PRKN: variants seen among roughly 807,000 people sequenced by gnomAD.
The protein encoded by PRKN is E3 ubiquitin-protein ligase parkin.
A neutral mutation model predicts 59.5 loss-of-function variants in PRKN; 56 were observed. The ratio of observed to expected loss-of-function variants is 0.94; its 90% CI spans 0.76 to 1.18. PRKN has a LOEUF of 1.18. Ranked by LOEUF, PRKN falls within the 50% of genes most tolerant of loss-of-function variation. The pLI, the probability that PRKN is intolerant of heterozygous loss-of-function variation, is 0.00. For missense variants in PRKN, 657 were observed against 596.4 expected (o/e 1.10, Z -1.06); for synonymous variants, 250 against 222.1 (o/e 1.13, Z -1.12).
intron 5 of PRKN, among the ~76,000 whole-genome samples, chr6:162,001,534 T>C (rs1253877054): frequency 6.6e-6 from 1 of 151,648 alleles, no homozygotes; most frequent in African/African-American, 2.4e-5. Context: ...ACTAACTAGT[T>C]TGGGGGATTT....
At position 161,428,494 on chromosome 6, in the gene PRKN, C is replaced by T. The variant is rs987193445; in HGVS notation, c.1084-41617G>A. Among the ~76,000 whole-genome samples the T allele has an allele frequency of 1.3e-5, 2 of 152,166 alleles. No individual in the cohort carries two copies. Among genetic ancestry groups the T allele is most frequent in the Non-Finnish European group, 2.9e-5 (2 of 68,034 alleles). Reference sequence around the variant, plus strand: ...CCATCTTCGAACCTGGCTGGCATCGCAGATGCCCGTGCCCAGGGCAGCAGC... The same window carrying T: ...CCATCTTCGAACCTGGCTGGCATCGTAGATGCCCGTGCCCAGGGCAGCAGC... On this transcript the variant is annotated intron_variant, in intron 9 of 11. Coordinates refer to ENST00000366898, the MANE Select transcript of PRKN (RefSeq NM_004562.3). This position sits in a 1 kb window ranked among gnomAD's most constrained non-coding sequence, Gnocchi z 4.0.
intron 7 of PRKN, among the ~76,000 whole-genome samples, chr6:161,610,273 G>A (rs565372245): frequency 1.2e-3 from 181 of 152,078 alleles, no homozygotes; most frequent in South Asian, 3.1e-3. Context: ...GGGCAAAGCC[G>A]GGAGCTGGGA....
At chr6:161,988,724 T>A (rs767193077) in intron 5 of PRKN, among the ~76,000 whole-genome samples, 2 of 152,076 alleles carry the variant, frequency 1.3e-5, no homozygotes, top group Non-Finnish European at 2.9e-5. Flanking sequence ...CATCAATATA[T>A]AAATCATAAA....
intron 4 of PRKN, among the ~76,000 whole-genome samples, chr6:162,070,806 G>A (rs1046786134): frequency 1.3e-5 from 2 of 152,156 alleles, no homozygotes; most frequent in African/African-American, 4.8e-5. Context: ...GACAGGAGGT[G>A]GAGCTCGGGC....
At chr6:162,034,186 TAGAGAGAGAG>T (rs71643580) in intron 5 of PRKN, among the ~76,000 whole-genome samples, 12 of 133,282 alleles carry the variant, frequency 9.0e-5, no homozygotes, top group African/African-American at 2.1e-4. Flanking sequence ...TATATATATA[TAGAGAGAGAG>T]AGAGAGAGAG....
chr6:162,365,875 G>C (rs1393336110), intron 2 of PRKN, among the ~76,000 whole-genome samples: 2 of 151,896 alleles, frequency 1.3e-5, no homozygotes, highest in Non-Finnish European at 2.9e-5. Flanking sequence ...TCCTTTATTA[G>C]AACAATGTCT....
At chr6:161,490,890 T>C (rs955592652) in intron 9 of PRKN, among the ~76,000 whole-genome samples, 3 of 151,914 alleles carry the variant, frequency 2.0e-5, no homozygotes, top group Non-Finnish European at 2.9e-5. Context: ...GTGTGGTATC[T>C]CTCCTCCCTC....
At chr6:161,455,987 A>C (rs1414062910) in intron 9 of PRKN, among the ~76,000 whole-genome samples, 1 of 152,212 alleles carries the variant, frequency 6.6e-6, no homozygotes, top group Non-Finnish European at 1.5e-5. Flanking sequence ...GTGTGTTTAT[A>C]GTTTCTTCCA....
chr6:161,533,075 A>G lies in PRKN; in HGVS notation c.1083+15779T>C, dbSNP rs12189751. 0.18 allele frequency among the ~76,000 whole-genome samples: 26,713 copies of G among 152,214 alleles called. 2,595 individuals are homozygous for G. The highest frequency in any genetic ancestry group is 0.29 in the Middle Eastern group (86 of 292). ...AAAGATGGGTGAGTATAAATATTCT[A>G]TAGTGTACCATATTAGCTATTAAAC... is the stretch of plus-strand genomic sequence containing the variant. On this transcript the variant is annotated intron_variant, in intron 9 of 11. Transcript: ENST00000366898. This position sits in a 1 kb window ranked among gnomAD's most constrained non-coding sequence, Gnocchi z 4.1.
chr6:161,945,531 T>C (rs766659212), intron 6 of PRKN, among the ~76,000 whole-genome samples: 54 of 152,214 alleles, frequency 3.5e-4, no homozygotes, highest in Non-Finnish European at 3.8e-4. Context: ...TCCCACTATA[T>C]GCCAAATAAG....
chr6:161,382,595 G>A (rs550796044), intron 10 of PRKN, among the ~76,000 whole-genome samples: 8 of 152,280 alleles, frequency 5.3e-5, no homozygotes, highest in Admixed American at 1.3e-4. Context: ...GGCAATACGC[G>A]GAAGGAACTG....
intron 9 of PRKN, among the ~76,000 whole-genome samples, chr6:161,500,949 C>T (rs1219822574): frequency 1.4e-5 from 2 of 144,626 alleles, no homozygotes; most frequent in Admixed American, 1.4e-4. Flanking sequence ...AATCTTGGCT[C>T]ACTGCAACCT....
At chr6:161,857,373 T>A (rs1477625434) in intron 6 of PRKN, among the ~76,000 whole-genome samples, 1 of 152,198 alleles carries the variant, frequency 6.6e-6, no homozygotes, top group Admixed American at 6.5e-5. Context: ...ACAACTTTAC[T>A]TACAAAACAG....
intron 1 of PRKN, among the ~76,000 whole-genome samples, chr6:162,461,095 A>G (rs1435070056): frequency 1.3e-5 from 2 of 152,076 alleles, no homozygotes; most frequent in Non-Finnish European, 2.9e-5. Context: ...ACAAAAATGA[A>G]TAACACAGCC....
intron 4 of PRKN, among the ~76,000 whole-genome samples, chr6:162,058,496 C>T (rs1777958305): frequency 6.6e-6 from 1 of 152,204 alleles, no homozygotes; most frequent in Admixed American, 6.5e-5. Context: ...CCACACTGTG[C>T]TTGAGGCACC....
At chr6:162,399,691 C>T (rs990949221) in intron 2 of PRKN, among the ~76,000 whole-genome samples, 1 of 151,786 alleles carries the variant, frequency 6.6e-6, no homozygotes, top group Non-Finnish European at 1.5e-5. Context: ...GAAAACCAAA[C>T]AATGAATCAA....
intron 6 of PRKN, among the ~76,000 whole-genome samples, chr6:161,882,613 A>G (rs1794980030): frequency 6.6e-6 from 1 of 151,836 alleles, no homozygotes; most frequent in Admixed American, 6.6e-5. Context: ...TGTGGGAGAG[A>G]GTACAGTCAC....
At chr6:161,873,492 C>G (rs73603174) in intron 6 of PRKN, among the ~76,000 whole-genome samples, 5,668 of 150,384 alleles carry the variant, frequency 0.038, 352 homozygotes, top group African/African-American at 0.13. Flanking sequence ...TCGAGAAATT[C>G]CGAGGAATGG....
intron 4 of PRKN, among the ~76,000 whole-genome samples, chr6:162,093,248 C>T (rs1326271931): frequency 6.6e-6 from 1 of 152,102 alleles, no homozygotes; most frequent in East Asian, 1.9e-4. Context: ...CCACTAATGC[C>T]TTTGTACTGT....
Sources: allele counts gnomAD v4.1 joint callset (sites outside exome capture counted in the v4.1 genomes callset), GRCh38; gene constraint gnomAD v4.1.1; non-coding constraint Gnocchi (gnomAD v3.1); transcripts MANE v1.5; gene names NCBI Gene and HGNC (gene_info 2026-07-23, HGNC 2026-07-21).